Variants in KLHDC10 observed in about 807,000 individuals in gnomAD.
The protein encoded by KLHDC10 is kelch domain-containing protein 10.
KLHDC10 carries 24 observed loss-of-function variants against 56.1 expected under a neutral mutation model. The ratio of observed to expected loss-of-function variants is 0.43; its 90% CI spans 0.31 to 0.60. The LOEUF is 0.60. Among genes scored for constraint, KLHDC10 ranks in the 20% least tolerant of loss-of-function variants. The pLI, the probability that KLHDC10 is intolerant of heterozygous loss-of-function variation, is 0.11. For missense variants in KLHDC10, 349 were observed against 567.0 expected (o/e 0.62, Z 3.91); for synonymous variants, 188 against 207.1 (o/e 0.91, Z 0.79).
At chr7:130,124,873 C>G (rs1328704758) in intron 6 of KLHDC10, among the ~76,000 whole-genome samples, 1 of 152,208 alleles carries the variant, frequency 6.6e-6, no homozygotes, top group African/African-American at 2.4e-5. Context: ...TCCGCATCAT[C>G]ATCACTGCTG....
At position 130,135,536 on chromosome 7, in the gene KLHDC10, G is replaced by A. The variant is rs1796462742; in HGVS notation, c.*4790G>A. On this transcript the variant is annotated 3_prime_UTR_variant, in exon 10 of 10. Transcript: ENST00000335420. Reference sequence around the variant, plus strand: ...TGTGGACGTCCTTTTGCAGTCTGGTGTGCATGCCATATGATCAGGACAGCT... The same window carrying A: ...TGTGGACGTCCTTTTGCAGTCTGGTATGCATGCCATATGATCAGGACAGCT... The A allele has an allele frequency of 6.5e-6, 1 of 154,356 alleles. No individual in the cohort carries two copies. Among genetic ancestry groups the A allele is most frequent in the Non-Finnish European group, 1.5e-5 (1 of 68,216 alleles). The allele number at this position is 154,356 out of a possible 1,614,324, so 9.6% of individuals were successfully genotyped here.
At chr7:130,108,736 AAAAAG>A (rs906326217) in intron 2 of KLHDC10, among the ~76,000 whole-genome samples, 6 of 151,624 alleles carry the variant, frequency 4.0e-5, no homozygotes, top group African/African-American at 1.2e-4. Flanking sequence ...AAAAAAAAAA[AAAAAG>A]AAAGAAAAGG....
At chr7:130,080,327 AT>A (rs979845793) in intron 1 of KLHDC10, among the ~76,000 whole-genome samples, 9 of 152,072 alleles carry the variant, frequency 5.9e-5, no homozygotes, top group Non-Finnish European at 1.2e-4. Context: ...CCATGAAGTC[AT>A]TTGGACCTCC....
chr7:130,107,883 G>T (rs2402985), intron 2 of KLHDC10, among the ~76,000 whole-genome samples: 1 of 139,324 alleles, frequency 7.2e-6, no homozygotes, highest in Non-Finnish European at 1.5e-5. Flanking sequence ...GGACGCGGTG[G>T]CCCGTACCGT....
intron 6 of KLHDC10, among the ~76,000 whole-genome samples, chr7:130,125,404 G>A (rs544009425): frequency 2.6e-5 from 4 of 152,128 alleles, no homozygotes; most frequent in South Asian, 2.1e-4. Flanking sequence ...TTAGCTGGGC[G>A]TGTTGGCGGG....
chr7:130,096,891 C>A, intron 1 of KLHDC10, 30 bp from the exon 2 acceptor site: 2 of 1,516,816 alleles, frequency 1.3e-6, no homozygotes, highest in Non-Finnish European at 1.8e-6. Flanking sequence ...TTGTATGTGT[C>A]TGACTTATTG....
At position 130,070,543 on chromosome 7, in the gene KLHDC10, C is replaced by T. The variant is rs547535234; in HGVS notation, c.-101C>T. 3.5e-6 allele frequency: 4 copies of T among 1,150,072 alleles called. No homozygotes were observed. Among genetic ancestry groups the T allele is most frequent in the African/African-American group, 3.2e-5 (2 of 63,478 alleles). The allele number at this position is 1,150,072 out of a possible 1,614,324, so 71.2% of individuals were successfully genotyped here. On this transcript the variant is annotated 5_prime_UTR_variant, in exon 1 of 10. Coordinates refer to ENST00000335420, the MANE Select transcript of KLHDC10 (RefSeq NM_014997.4). The stretch of plus-strand genomic sequence containing the variant: ...GGTGGGACCGGGCGCTGCCCCCTTC[C>T]CCTGTCTCCTGGGTCTCTGGAGGAG...
At chr7:130,088,922 C>A (rs1028710592) in intron 1 of KLHDC10, among the ~76,000 whole-genome samples, 2 of 152,088 alleles carry the variant, frequency 1.3e-5, no homozygotes, top group African/African-American at 4.8e-5. Flanking sequence ...CCTGAGCCAT[C>A]GCCCCTGGCC....
At chr7:130,074,799 C>T (rs1305709419) in intron 1 of KLHDC10, among the ~76,000 whole-genome samples, 2 of 151,826 alleles carry the variant, frequency 1.3e-5, no homozygotes, top group Non-Finnish European at 2.9e-5. Context: ...TTAGTAGAGA[C>T]GGGGTTTCAT....
chr7:130,116,774 C>T lies in KLHDC10; in HGVS notation c.475+108C>T, dbSNP rs1262403013. 2 of 935,030 alleles carry T rather than the reference C, an allele frequency of 2.1e-6. No individual in the cohort carries two copies. Among genetic ancestry groups the T allele is most frequent in the African/African-American group, 3.3e-5 (2 of 61,210 alleles). 57.9% of individuals were successfully genotyped at this position (935,030 alleles called of 1,614,324 possible). A position where few individuals can be genotyped will look rare whatever the true frequency, so the allele number is the denominator to read the frequency against. On this transcript the variant is annotated intron_variant, in intron 3 of 9. Transcript: ENST00000335420. The surrounding 1 kb of genome is among the most constrained non-coding windows in gnomAD (Gnocchi z 4.8). ...TTTATAACACTATAATGTGATTTCGCCCTGTGGGTGGATAGGCTTTTTACT... is the reference window on the plus strand; with the variant it reads ...TTTATAACACTATAATGTGATTTCGTCCTGTGGGTGGATAGGCTTTTTACT...
Position 130,070,687 on chromosome 7 carries a change from G to C in KLHDC10, c.44G>C (p.Gly15Ala). Residue 15 changes from glycine to alanine, a missense_variant, in exon 1 of 10, where the codon GGA (glycine) becomes GCA (alanine). Coordinates refer to ENST00000335420, the MANE Select transcript of KLHDC10 (RefSeq NM_014997.4). ...TGGGACAGGAACCGCCGGAGGGGAG[G>C]AGGCGCCGCCGGCGCTGGTGGCGGA... Reference protein sequence around the residue: ...QGWDRNRRRGGGAAGAGGGGS... With the variant: ...QGWDRNRRRGAGAAGAGGGGS... 7.6e-7 allele frequency: 1 copy of C among 1,308,280 alleles called. No homozygotes were observed. Among genetic ancestry groups the C allele is most frequent in the Non-Finnish European group, 9.8e-7 (1 of 1,023,908 alleles). 81.0% of individuals were successfully genotyped at this position (1,308,280 alleles called of 1,614,324 possible). A position where few individuals can be genotyped will look rare whatever the true frequency, so the allele number is the denominator to read the frequency against.
At chr7:130,079,981 G>A (rs1289840680) in intron 1 of KLHDC10, among the ~76,000 whole-genome samples, 4 of 139,306 alleles carry the variant, frequency 2.9e-5, no homozygotes, top group African/African-American at 5.6e-5. Flanking sequence ...TCCCTCTGTC[G>A]CCCAGGTTGG....
At position 130,099,158 on chromosome 7, in the gene KLHDC10, G is replaced by T. The variant is rs574159093; in HGVS notation, c.253+2151G>T. On this transcript the variant is annotated intron_variant, in intron 2 of 9. Transcript: ENST00000335420. The stretch of plus-strand genomic sequence containing the variant: ...ATGTTTTCTTCCTACCTCTTTGATT[G>T]TTCATTCTGTTTCCTTCACTAGCTT... Among the ~76,000 whole-genome samples the T allele has an allele frequency of 5.9e-5, 9 of 152,084 alleles. No homozygotes were observed. In the South Asian group the frequency reaches 1.9e-3, roughly 32 times the overall value.
chr7:130,119,977 G>T lies in KLHDC10; in HGVS notation c.476-772G>T, dbSNP rs77127761. Among the ~76,000 whole-genome samples, 882 of 152,260 alleles carry T rather than the reference G, an allele frequency of 5.8e-3. 7 individuals are homozygous for T. Among genetic ancestry groups the T allele is most frequent in the African/African-American group, 0.02 (821 of 41,542 alleles). Reference sequence around the variant, plus strand: ...TGTATGTTTGTGTGTGTGGTGGCAGGAACAAAAGAGCTACAGGAGGAAGAA... The same window carrying T: ...TGTATGTTTGTGTGTGTGGTGGCAGTAACAAAAGAGCTACAGGAGGAAGAA... On this transcript the variant is annotated intron_variant, in intron 3 of 9. Coordinates refer to ENST00000335420, the MANE Select transcript of KLHDC10 (RefSeq NM_014997.4).
At position 130,071,356 on chromosome 7, in the gene KLHDC10, A is replaced by G. The variant is rs180942099; in HGVS notation, c.166+547A>G. 3.6e-3 allele frequency among the ~76,000 whole-genome samples: 541 copies of G among 152,294 alleles called. 2 individuals carry two copies. Among genetic ancestry groups the G allele is most frequent in the African/African-American group, 0.012 (514 of 41,572 alleles). ...AGGATTAGGGAAAACTAGTTGGATTATTAATATTTTGGAATGTTCAGAGAC... is the reference window on the plus strand; with the variant it reads ...AGGATTAGGGAAAACTAGTTGGATTGTTAATATTTTGGAATGTTCAGAGAC... On this transcript the variant is annotated intron_variant, in intron 1 of 9. Coordinates refer to ENST00000335420, the MANE Select transcript of KLHDC10 (RefSeq NM_014997.4).
At chr7:130,075,665 C>T (rs933223212) in intron 1 of KLHDC10, among the ~76,000 whole-genome samples, 3 of 152,124 alleles carry the variant, frequency 2.0e-5, no homozygotes, top group Admixed American at 6.6e-5. Flanking sequence ...GAGAGTCTTT[C>T]TTTAGGATAA....
intron 7 of KLHDC10, among the ~76,000 whole-genome samples, chr7:130,126,428 C>A (rs1256529687): frequency 3.9e-5 from 6 of 152,142 alleles, no homozygotes; most frequent in African/African-American, 1.2e-4. Context: ...ATAATCCCAG[C>A]ACTTTGGAAG....
Position 130,078,481 on chromosome 7 carries a change from TC to T in KLHDC10, c.166+7675del, listed in dbSNP as rs560761863. Among the ~76,000 whole-genome samples, 15 of 152,296 alleles carry T rather than the reference TC, an allele frequency of 9.8e-5. No individual in the cohort carries two copies. The East Asian group carries it at 2.9e-3, about 29-fold the overall frequency. ...CTCAAGTGATCATTCTGTCTTGGCC[TC>T]CCGGGATTACAGGTATAAGCCTCCG... On this transcript the variant is annotated intron_variant, in intron 1 of 9. Coordinates refer to ENST00000335420, the MANE Select transcript of KLHDC10 (RefSeq NM_014997.4).
In KLHDC10 at chr7:130,116,250, A is replaced by G. The variant is rs191238317; in HGVS notation, c.254-195A>G. The stretch of plus-strand genomic sequence containing the variant: ...TAGAAGTAGAGACTAGCTCCTTAAA[A>G]TCTTAAGTAGTATATGTGCATAAGA... On this transcript the variant is annotated intron_variant, in intron 2 of 9. Transcript: ENST00000335420. The surrounding 1 kb of genome is among the most constrained non-coding windows in gnomAD (Gnocchi z 4.8). Among the ~76,000 whole-genome samples the G allele has an allele frequency of 1.4e-4, 22 of 152,358 alleles. No homozygotes were observed. The highest frequency in any genetic ancestry group is 2.9e-4 in the Non-Finnish European group (20 of 68,032).
Sources: allele counts gnomAD v4.1 joint callset (sites outside exome capture counted in the v4.1 genomes callset), GRCh38; gene constraint gnomAD v4.1.1; non-coding constraint Gnocchi (gnomAD v3.1); transcripts MANE v1.5; gene names NCBI Gene and HGNC (gene_info 2026-07-23, HGNC 2026-07-21).